NELL1: variants seen among roughly 807,000 people sequenced by gnomAD.
NELL1 encodes the protein protein kinase C-binding protein NELL1.
A neutral mutation model predicts 107.4 loss-of-function variants in NELL1; 76 were observed. The ratio of observed to expected loss-of-function variants is 0.71; its 90% CI spans 0.59 to 0.86. The LOEUF (loss-of-function observed/expected upper bound fraction) is 0.86. Among genes scored for constraint, NELL1 ranks in the 40% least tolerant of loss-of-function variants. The pLI, the probability that NELL1 is intolerant of heterozygous loss-of-function variation, is 0.00. For missense variants in NELL1, 1,024 were observed against 1,005.5 expected, an observed-to-expected ratio of 1.02 and a Z score of -0.25; for synonymous variants, 353 against 341.2, an observed-to-expected ratio of 1.03 and a Z score of -0.38.
intron 14 of NELL1, among the ~76,000 whole-genome samples, chr11:21,291,576 G>T (rs1590810003): frequency 6.6e-6 from 1 of 152,072 alleles, no homozygotes; most frequent in South Asian, 2.1e-4. Context: ...ATTTTATGGG[G>T]CCAGCATCAT....
chr11:21,206,743 C>T (rs973747007), intron 13 of NELL1, among the ~76,000 whole-genome samples: 1 of 152,064 alleles, frequency 6.6e-6, no homozygotes, highest in African/African-American at 2.4e-5. Flanking sequence ...CTTTTTTTGT[C>T]CCTCATCTTA....
chr11:21,554,282 A>T (rs1404906686), intron 16 of NELL1, among the ~76,000 whole-genome samples: 1 of 151,916 alleles, frequency 6.6e-6, no homozygotes, highest in Admixed American at 6.6e-5. Context: ...ATAAAATGTA[A>T]TTAGTGACCA....
chr11:21,411,499 A>G (rs749350583), intron 15 of NELL1, among the ~76,000 whole-genome samples: 1 of 152,084 alleles, frequency 6.6e-6, no homozygotes, highest in Non-Finnish European at 1.5e-5. Flanking sequence ...CTGGAGGAGT[A>G]AAAATATTTA....
chr11:20,751,289 A>G (rs1009690551), intron 2 of NELL1, among the ~76,000 whole-genome samples: 4 of 152,086 alleles, frequency 2.6e-5, no homozygotes, highest in Non-Finnish European at 5.9e-5. Context: ...TTTGGATTGC[A>G]TTAAATCTAT....
chr11:20,876,243 G>T (rs1449980592), intron 4 of NELL1, among the ~76,000 whole-genome samples: 2 of 152,148 alleles, frequency 1.3e-5, no homozygotes, highest in Admixed American at 6.5e-5. Flanking sequence ...CATCCCCATA[G>T]TCTCTCTTCC....
At chr11:20,981,375 T>C (rs1457416320) in intron 12 of NELL1, among the ~76,000 whole-genome samples, 4 of 152,156 alleles carry the variant, frequency 2.6e-5, no homozygotes, top group Non-Finnish European at 5.9e-5. Context: ...GGTATGTGGG[T>C]ATGACAGAAA....
intron 16 of NELL1, among the ~76,000 whole-genome samples, chr11:21,548,791 C>T (rs1423585409): frequency 6.6e-6 from 1 of 151,562 alleles, no homozygotes; most frequent in Non-Finnish European, 1.5e-5. Flanking sequence ...AGGATGCCTG[C>T]ATTTGTGTCC....
At chr11:21,531,256 CA>C (rs1181514864) in intron 15 of NELL1, among the ~76,000 whole-genome samples, 27 of 152,110 alleles carry the variant, frequency 1.8e-4, no homozygotes, top group Non-Finnish European at 2.6e-4. Flanking sequence ...TCCATTTTTG[CA>C]TTGAACACAA....
chr11:20,938,984 C>T (rs1038093014), intron 10 of NELL1, among the ~76,000 whole-genome samples: 13 of 151,646 alleles, frequency 8.6e-5, no homozygotes, highest in East Asian at 7.8e-4. Flanking sequence ...GTGTATGTCA[C>T]GAGCAGCTGT....
chr11:20,975,956 T>TATG (rs59420210), intron 12 of NELL1, among the ~76,000 whole-genome samples: 2 of 129,582 alleles, frequency 1.5e-5, no homozygotes, highest in Admixed American at 1.6e-4. Context: ...TATATGTACA[T>TATG]TATATATACA....
intron 7 of NELL1, among the ~76,000 whole-genome samples, chr11:20,920,412 G>A (rs16907022): frequency 0.15 from 22,271 of 151,936 alleles, 2,940 homozygotes; most frequent in African/African-American, 0.36. Flanking sequence ...ATTTCAAACT[G>A]GGTTTTTGGC....
At chr11:20,820,854 A>G (rs1383497357) in intron 3 of NELL1, among the ~76,000 whole-genome samples, 2 of 152,186 alleles carry the variant, frequency 1.3e-5, no homozygotes, top group Non-Finnish European at 2.9e-5. Flanking sequence ...CTGCCATGCT[A>G]TATCCCCATT....
At chr11:20,726,961 G>A (rs1416133070) in intron 2 of NELL1, among the ~76,000 whole-genome samples, 4 of 152,180 alleles carry the variant, frequency 2.6e-5, no homozygotes. Flanking sequence ...ATTCCATGGT[G>A]TATATGTGCC....
intron 13 of NELL1, among the ~76,000 whole-genome samples, chr11:21,196,943 C>A (rs1165331010): frequency 6.7e-6 from 1 of 148,296 alleles, no homozygotes; most frequent in African/African-American, 2.5e-5. Flanking sequence ...GCCATCTTGG[C>A]TCACTGCAAC....
intron 2 of NELL1, among the ~76,000 whole-genome samples, chr11:20,753,497 C>A (rs796863233): frequency 5.9e-5 from 9 of 152,182 alleles, no homozygotes; most frequent in African/African-American, 2.2e-4. Context: ...TGTGCCCCTA[C>A]ATTAATCACA....
chr11:20,976,653 AACTT>A (rs1165681799), intron 12 of NELL1, among the ~76,000 whole-genome samples: 2 of 152,216 alleles, frequency 1.3e-5, no homozygotes. Flanking sequence ...GCATCTGTTT[AACTT>A]ACTTGTACAT....
chr11:21,555,605 T>TAGGAAAGGGTTTCTTCCTGACTC (rs1856685656), intron 16 of NELL1, among the ~76,000 whole-genome samples: 1 of 151,752 alleles, frequency 6.6e-6, no homozygotes, highest in East Asian at 1.9e-4. Context: ...GGGAACACCA[T>TAGGAAAGGGTTTCTTCCTGACTC]AGGAAAGGGT....
chr11:20,764,869 A>G (rs1564899305), intron 2 of NELL1, among the ~76,000 whole-genome samples: 1 of 152,088 alleles, frequency 6.6e-6, no homozygotes, highest in African/African-American at 2.4e-5. Context: ...TGCTGTTTAA[A>G]TTGGAATGAG....
At chr11:20,680,297 A>C (rs770741211) in intron 2 of NELL1, among the ~76,000 whole-genome samples, 4 of 152,118 alleles carry the variant, frequency 2.6e-5, no homozygotes, top group Non-Finnish European at 5.9e-5. Flanking sequence ...CCAAGGATTC[A>C]TGTCTGTCCC....
Sources: gnomAD v4.1 joint callset for allele counts (sites outside exome capture counted in the v4.1 genomes callset) on GRCh38, gnomAD v4.1.1 for gene constraint, MANE v1.5 for transcripts, NCBI Gene and HGNC (gene_info 2026-07-23, HGNC 2026-07-21) for gene names.